The following KAT6B variants were observed in gnomAD, a reference collection of about 807,000 sequenced individuals.
The protein encoded by KAT6B is histone acetyltransferase KAT6B.
In KAT6B, 10 loss-of-function variants were observed where a neutral mutation model predicts 187.5. The observed-to-expected ratio is 0.05, with a 90% confidence interval of 0.03 to 0.09. The LOEUF is 0.09. KAT6B is among the 10% of genes least tolerant of loss of function. The pLI, the probability that KAT6B is intolerant of heterozygous loss-of-function variation, is 1.00. For synonymous variants in KAT6B, 861 were observed against 926.8 expected (o/e 0.93, Z 1.29); for missense variants, 1,952 against 2,558.9 (o/e 0.76, Z 5.12).
chr10:74,838,237 C>T (rs1196418160), intron 1 of KAT6B, among the ~76,000 whole-genome samples: 1 of 152,116 alleles, frequency 6.6e-6, no homozygotes, highest in Non-Finnish European at 1.5e-5. Flanking sequence ...TGCCTGGTGG[C>T]CTTTGGGACA....
At chr10:74,830,010 C>T (rs559176796) in intron 1 of KAT6B, among the ~76,000 whole-genome samples, 1 of 136,104 alleles carries the variant, frequency 7.3e-6, no homozygotes, top group Non-Finnish European at 1.5e-5. Context: ...GAGCGAGACT[C>T]TGTCTCAAAA....
At chr10:74,938,244 A>G (rs571265179) in intron 3 of KAT6B, among the ~76,000 whole-genome samples, 2 of 152,346 alleles carry the variant, frequency 1.3e-5, no homozygotes, top group East Asian at 3.9e-4. Context: ...GCCCCATCCT[A>G]GAACCACTGT....
chr10:74,955,600 A>G (rs571191515), intron 3 of KAT6B, among the ~76,000 whole-genome samples: 1 of 152,160 alleles, frequency 6.6e-6, no homozygotes, highest in Non-Finnish European at 1.5e-5. Context: ...GAATCATTGG[A>G]GAGTAAGTTA....
intron 3 of KAT6B, among the ~76,000 whole-genome samples, chr10:74,869,505 C>T (rs1222435393): frequency 2.6e-5 from 4 of 152,102 alleles, no homozygotes; most frequent in Admixed American, 6.5e-5. Context: ...AGGCTGGTCT[C>T]GAACTCCTGG....
intron 2 of KAT6B, 107 bp from the exon 3 acceptor site, chr10:74,842,493 A>C: frequency 2.1e-6 from 1 of 485,130 alleles, no homozygotes; most frequent in Non-Finnish European, 3.4e-6. Flanking sequence ...GCCTGTCATT[A>C]CTTCTTGTGG....
At chr10:74,876,002 C>A (rs1235752367) in intron 3 of KAT6B, among the ~76,000 whole-genome samples, 1 of 152,096 alleles carries the variant, frequency 6.6e-6, no homozygotes, top group African/African-American at 2.4e-5. Context: ...TAGTGTGCAC[C>A]ACTTTATTCA....
chr10:74,835,934 C>A (rs916144939), intron 1 of KAT6B, among the ~76,000 whole-genome samples: 9 of 152,266 alleles, frequency 5.9e-5, no homozygotes, highest in African/African-American at 2.2e-4. Flanking sequence ...AGTTCCAAAA[C>A]ATTTTTATTG....
chr10:75,030,312 C>T lies in KAT6B; in HGVS notation c.5488C>T (p.His1830Tyr), dbSNP rs752572188. 1 of 1,614,246 alleles carries T rather than the reference C, an allele frequency of 6.2e-7. No individual in the cohort carries two copies. The highest frequency in any genetic ancestry group is 8.5e-7 in the Non-Finnish European group (1 of 1,180,040). The stretch of plus-strand genomic sequence containing the variant: ...GCAGTTAACTAATACACTTATTGAT[C>T]ATTCATTGCCTTACAGCCATTCCGC... ...LQQLTNTLIDHSLPYSHSAAV... is the reference protein window; with the variant it reads ...LQQLTNTLIDYSLPYSHSAAV... Residue 1830 changes from histidine to tyrosine, a missense_variant, in exon 18 of 18, where the codon CAT becomes TAT. His to Tyr is a moderately conservative substitution (Grantham distance 83). This residue lies in a region of KAT6B where 358 missense variants were observed against 436.3 expected (regional missense o/e 0.82). Coordinates refer to ENST00000287239, the MANE Select transcript of KAT6B (RefSeq NM_012330.4). The surrounding 1 kb of genome is among the most constrained non-coding windows in gnomAD (Gnocchi z 4.8).
Position 74,985,088 on chromosome 10 carries a change from G to A in KAT6B, c.2382G>A (p.Gly794=), listed in dbSNP as rs1196689409. Residue 794 remains glycine, a synonymous_variant, in exon 12 of 18, where the codon GGG becomes GGA. Coordinates refer to ENST00000287239, the MANE Select transcript of KAT6B (RefSeq NM_012330.4). ...RKDLSVFEVD[G]NMSKIYCQNL... ...CTGTTTCTTTTTGCTAGGTTGATGG[G>A]AATATGAGCAAAATTTATTGCCAAA... is the stretch of plus-strand genomic sequence containing the variant. 2 of 1,613,944 alleles carry A rather than the reference G, an allele frequency of 1.2e-6. No homozygotes were observed. Among genetic ancestry groups the A allele is most frequent in the East Asian group, 4.5e-5 (2 of 44,852 alleles).
chr10:74,989,373 C>G (rs1220966551), intron 13 of KAT6B, among the ~76,000 whole-genome samples: 1 of 152,174 alleles, frequency 6.6e-6, no homozygotes, highest in African/African-American at 2.4e-5. Context: ...AATGAACCGA[C>G]AGAATTACAT....
At chr10:74,959,732 A>T (rs541145228) in intron 3 of KAT6B, among the ~76,000 whole-genome samples, 4 of 152,198 alleles carry the variant, frequency 2.6e-5, no homozygotes, top group Non-Finnish European at 5.9e-5. Context: ...GGAGGTTGCA[A>T]TGAGCCGAGA....
At chr10:74,888,801 C>T (rs1347571454) in intron 3 of KAT6B, among the ~76,000 whole-genome samples, 1 of 152,246 alleles carries the variant, frequency 6.6e-6, no homozygotes, top group Middle Eastern at 3.4e-3. Flanking sequence ...GTACAGCCAG[C>T]ATATAGAATG....
chr10:75,007,067 C>CAAAAA (rs888030380), intron 13 of KAT6B, among the ~76,000 whole-genome samples: 5 of 67,166 alleles, frequency 7.4e-5, no homozygotes, highest in South Asian at 4.8e-4. Context: ...GACTCCATCT[C>CAAAAA]AAAAAAAAAA....
At chr10:74,828,559 G>GTT (rs1840457601) in intron 1 of KAT6B, among the ~76,000 whole-genome samples, 1 of 133,988 alleles carries the variant, frequency 7.5e-6, no homozygotes, top group Non-Finnish European at 1.6e-5. Flanking sequence ...TTACTCATAA[G>GTT]TTCTTTTTTT....
At chr10:75,005,281 G>A (rs370059519) in intron 13 of KAT6B, among the ~76,000 whole-genome samples, 4 of 150,386 alleles carry the variant, frequency 2.7e-5, no homozygotes, top group Non-Finnish European at 5.9e-5. Context: ...GCAGTGGCAC[G>A]ATCTCAGCTC....
At chr10:74,847,722 C>T (rs773794252) in intron 3 of KAT6B, among the ~76,000 whole-genome samples, 2 of 151,284 alleles carry the variant, frequency 1.3e-5, no homozygotes, top group Admixed American at 6.6e-5. Context: ...GAGAAAATTA[C>T]AACATAATAT....
chr10:75,025,144 C>G lies in KAT6B; in HGVS notation c.3559C>G (p.Pro1187Ala), dbSNP rs370725802. The change falls in exon 17 of 18, where the codon CCA (proline) becomes GCA (alanine). Residue 1187 changes from proline (P) to alanine (A), a missense_variant. Around this residue, in one of 9 missense-constraint regions of KAT6B, gnomAD observed 758 missense variants for 891.4 expected, o/e 0.85. Transcript: ENST00000287239. ...EIEVEEDGRK[P>A]VLRKAFQHQP... The stretch of plus-strand genomic sequence containing the variant: ...TGAAGTGGAGGAAGATGGCAGGAAG[C>G]CAGTCCTGAGAAAAGCATTCCAGCA... 1 of 1,614,118 alleles carries G rather than the reference C, an allele frequency of 6.2e-7. No homozygotes were observed. Among genetic ancestry groups the G allele is most frequent in the South Asian group, 1.1e-5 (1 of 91,082 alleles).
intron 3 of KAT6B, among the ~76,000 whole-genome samples, chr10:74,916,156 T>C (rs568533460): frequency 3.2e-4 from 48 of 152,312 alleles, no homozygotes; most frequent in African/African-American, 1.1e-3. Context: ...AGCAAGACTC[T>C]ATCTTGAAGA....
intron 3 of KAT6B, among the ~76,000 whole-genome samples, chr10:74,904,371 A>G (rs974422670): frequency 1.3e-5 from 2 of 152,166 alleles, no homozygotes; most frequent in Admixed American, 1.3e-4. Flanking sequence ...TCAGTGCCTT[A>G]TGGTTGTAAG....
Sources: allele counts gnomAD v4.1 joint callset (sites outside exome capture counted in the v4.1 genomes callset), GRCh38; gene constraint gnomAD v4.1.1; regional missense constraint gnomAD v4.1.1; non-coding constraint Gnocchi (gnomAD v3.1); transcripts MANE v1.5; gene names NCBI Gene and HGNC (gene_info 2026-07-23, HGNC 2026-07-21).